Variants in STXBP6 observed in about 807,000 individuals in gnomAD.
STXBP6 encodes the protein syntaxin binding protein 6.
A neutral mutation model predicts 26.9 loss-of-function variants in STXBP6; 21 were observed. That is an observed-to-expected ratio of 0.78 (90% CI 0.55 to 1.12). The LOEUF is 1.12. Among genes scored for constraint, STXBP6 ranks in the 50% most tolerant of loss-of-function variants. STXBP6 has a pLI of 0.00. For missense variants in STXBP6, 232 were observed against 257.9 expected (o/e 0.90, Z 0.69); for synonymous variants, 97 against 92.6 (o/e 1.05, Z -0.27).
intron 2 of STXBP6, among the ~76,000 whole-genome samples, chr14:24,953,825 T>C (rs1354423061): frequency 6.6e-6 from 1 of 152,190 alleles, no homozygotes; most frequent in Non-Finnish European, 1.5e-5. Flanking sequence ...GAATTACTGA[T>C]ACTAATAGCA....
rs147972975 is a variant in STXBP6 at position 24,887,439 on chromosome 14, C to T, written c.155-30282G>A. ...TTATCTTTTAGAGGAAATTCACTCT[C>T]CTCAGCCCTTCTTCCTAAAATCTAT... On this transcript the variant is annotated intron_variant, in intron 2 of 5. Transcript: ENST00000323944. Among the ~76,000 whole-genome samples, 710 of 152,306 alleles carry T rather than the reference C, an allele frequency of 4.7e-3. 12 individuals carry two copies. Among genetic ancestry groups the T allele is most frequent in the African/African-American group, 0.016 (672 of 41,566 alleles).
chr14:24,933,300 C>G (rs2072487889), intron 2 of STXBP6, among the ~76,000 whole-genome samples: 1 of 152,170 alleles, frequency 6.6e-6, no homozygotes. Context: ...CAAGATCATG[C>G]CACTGCACTC....
At chr14:24,876,010 G>A (rs931837391) in intron 2 of STXBP6, among the ~76,000 whole-genome samples, 12 of 152,152 alleles carry the variant, frequency 7.9e-5, no homozygotes, top group African/African-American at 2.9e-4. Flanking sequence ...ACAGAGTGGA[G>A]GGGTGGGGTG....
At chr14:24,823,443 G>C (rs2068197323) in intron 4 of STXBP6, among the ~76,000 whole-genome samples, 1 of 151,912 alleles carries the variant, frequency 6.6e-6, no homozygotes, top group African/African-American at 2.4e-5. Context: ...TACACATCAG[G>C]GTGTATCTTG....
At position 24,856,973 on chromosome 14, in the gene STXBP6, G is replaced by A. The variant is rs1003611251; in HGVS notation, c.285+54C>T. 3 of 1,590,284 alleles carry A rather than the reference G, an allele frequency of 1.9e-6. No homozygotes were observed. In the African/African-American group the frequency reaches 4.0e-5, roughly 21 times the overall value. ...CCACTACCACTACCAAGGTCAATCA[G>A]AGAGTCATCTTGTGAAAAGAATGCC... On this transcript the variant is annotated intron_variant, in intron 3 of 5. Transcript: ENST00000323944.
intron 1 of STXBP6, among the ~76,000 whole-genome samples, chr14:25,028,684 C>T (rs535939994): frequency 6.6e-6 from 1 of 152,118 alleles, no homozygotes; most frequent in South Asian, 2.1e-4. Context: ...TAAGAAATAC[C>T]TTTCATTAGG....
chr14:24,831,810 T>C (rs952743163), intron 4 of STXBP6, among the ~76,000 whole-genome samples: 2 of 151,992 alleles, frequency 1.3e-5, no homozygotes, highest in African/African-American at 4.8e-5. Flanking sequence ...CATGATTTGC[T>C]CATGTAAAAT....
intron 4 of STXBP6, among the ~76,000 whole-genome samples, chr14:24,822,872 C>G (rs1441712814): frequency 6.6e-6 from 1 of 152,140 alleles, no homozygotes; most frequent in Non-Finnish European, 1.5e-5. Context: ...GGGAGTTTCA[C>G]ACGTATTTAT....
chr14:24,851,949 AAAC>A (rs1295655520), intron 4 of STXBP6, among the ~76,000 whole-genome samples: 1 of 152,176 alleles, frequency 6.6e-6, no homozygotes, highest in East Asian at 1.9e-4. Context: ...GAACCCCCAA[AAAC>A]ACTTTAAGCC....
At chr14:24,935,175 C>A (rs964516846) in intron 2 of STXBP6, among the ~76,000 whole-genome samples, 1 of 152,058 alleles carries the variant, frequency 6.6e-6, no homozygotes, top group African/African-American at 2.4e-5. Flanking sequence ...GCAGCAAGGG[C>A]AAATGTGGGA....
chr14:25,009,345 C>T (rs1233081762), intron 1 of STXBP6, among the ~76,000 whole-genome samples: 1 of 152,172 alleles, frequency 6.6e-6, no homozygotes, highest in African/African-American at 2.4e-5. Flanking sequence ...TTCTCTTAAG[C>T]TCATTTGCTG....
At chr14:25,033,374 T>C (rs1365560544) in intron 1 of STXBP6, among the ~76,000 whole-genome samples, 1 of 152,194 alleles carries the variant, frequency 6.6e-6, no homozygotes, top group African/African-American at 2.4e-5. Flanking sequence ...TCTAAACTGG[T>C]CCACCGTATC....
At chr14:25,012,871 T>C (rs2075061873) in intron 1 of STXBP6, among the ~76,000 whole-genome samples, 1 of 152,118 alleles carries the variant, frequency 6.6e-6, no homozygotes, top group Non-Finnish European at 1.5e-5. Flanking sequence ...ATCAAAAGGA[T>C]TCAGGAGACC....
At chr14:24,832,311 C>T (rs1278221820) in intron 4 of STXBP6, among the ~76,000 whole-genome samples, 1 of 152,172 alleles carries the variant, frequency 6.6e-6, no homozygotes, top group Non-Finnish European at 1.5e-5. Flanking sequence ...CTCTTTCTGA[C>T]TGTCTTGTGC....
At chr14:25,016,289 ACT>A (rs1394887145) in intron 1 of STXBP6, among the ~76,000 whole-genome samples, 1 of 152,020 alleles carries the variant, frequency 6.6e-6, no homozygotes. Flanking sequence ...TTAAAGATTG[ACT>A]CTATTTTCCC....
chr14:24,851,916 T>C (rs961763686), intron 4 of STXBP6, among the ~76,000 whole-genome samples: 11 of 152,106 alleles, frequency 7.2e-5, no homozygotes, highest in Non-Finnish European at 1.3e-4. Flanking sequence ...GCTGTGAAAA[T>C]AAATACAATT....
At chr14:24,844,191 A>T (rs930341599) in intron 4 of STXBP6, among the ~76,000 whole-genome samples, 1 of 151,990 alleles carries the variant, frequency 6.6e-6, no homozygotes, top group Non-Finnish European at 1.5e-5. Flanking sequence ...GCGCACCTCA[A>T]CTCCATGGGG....
intron 2 of STXBP6, among the ~76,000 whole-genome samples, chr14:24,933,209 G>C (rs2072482165): frequency 6.6e-6 from 1 of 152,168 alleles, no homozygotes; most frequent in Non-Finnish European, 1.5e-5. Context: ...GGGTGCAGTG[G>C]TGACTGCCTA....
intron 2 of STXBP6, among the ~76,000 whole-genome samples, chr14:24,970,545 C>T (rs2073877649): frequency 6.6e-6 from 1 of 152,116 alleles, no homozygotes; most frequent in Non-Finnish European, 1.5e-5. Flanking sequence ...CATGTTGCTA[C>T]ATATATTGGT....
Sources: gnomAD v4.1 joint callset for allele counts (sites outside exome capture counted in the v4.1 genomes callset) on GRCh38, gnomAD v4.1.1 for gene constraint, MANE v1.5 for transcripts, NCBI Gene and HGNC (gene_info 2026-07-23, HGNC 2026-07-21) for gene names.